The following EYS variants were observed in gnomAD, a reference collection of about 807,000 sequenced individuals.
EYS encodes protein eyes shut homolog.
A neutral mutation model predicts 282.1 loss-of-function variants in EYS; 250 were observed. That is an observed-to-expected ratio of 0.89 (90% confidence interval 0.80 to 0.98). The LOEUF (loss-of-function observed/expected upper bound fraction) is 0.98, where lower values mean the gene tolerates loss of function less well. Among genes scored for constraint, EYS ranks in the 50% least tolerant of loss-of-function variants. The pLI is 0.00. For missense variants in EYS, 4,016 were observed against 3,709.0 expected (o/e 1.08, Z -2.15); for synonymous variants, 1,355 against 1,282.9 (o/e 1.06, Z -1.20).
intron 12 of EYS, among the ~76,000 whole-genome samples, chr6:65,285,159 C>T (rs1401525794): frequency 6.6e-6 from 1 of 151,960 alleles, no homozygotes; most frequent in African/African-American, 2.4e-5. Context: ...TTTAAAACAT[C>T]AAATAAACCC....
At chr6:64,300,798 A>G (rs939229615) in intron 30 of EYS, among the ~76,000 whole-genome samples, 6 of 152,196 alleles carry the variant, frequency 3.9e-5, no homozygotes, top group African/African-American at 1.4e-4. Context: ...ATACCATTCC[A>G]TTAGCAGAAC....
intron 31 of EYS, among the ~76,000 whole-genome samples, chr6:64,177,348 A>T (rs897413156): frequency 1.3e-5 from 2 of 151,250 alleles, no homozygotes; most frequent in African/African-American, 2.4e-5. Flanking sequence ...ATATATATAT[A>T]TTTTATTAGG....
At chr6:65,511,236 C>T (rs1380658876) in intron 2 of EYS, among the ~76,000 whole-genome samples, 1 of 152,092 alleles carries the variant, frequency 6.6e-6, no homozygotes, top group African/African-American at 2.4e-5. Flanking sequence ...ATATGCTTTT[C>T]ATCTACTAGG....
intron 14 of EYS, among the ~76,000 whole-genome samples, chr6:64,954,584 A>G (rs2150101744): frequency 6.6e-6 from 1 of 152,292 alleles, no homozygotes; most frequent in South Asian, 2.1e-4. Context: ...TTTTGGTCTG[A>G]GAGCCAAATG....
At chr6:64,050,585 T>C (rs144605886) in intron 33 of EYS, among the ~76,000 whole-genome samples, 142 of 152,306 alleles carry the variant, frequency 9.3e-4, no homozygotes, top group African/African-American at 3.2e-3. Flanking sequence ...TCTTTCTTTC[T>C]TTCCTAGTAC....
In EYS at chr6:64,747,166, T is replaced by C. The variant is rs978611287; in HGVS notation, c.3443+66212A>G. 2.0e-5 allele frequency among the ~76,000 whole-genome samples: 3 copies of C among 152,186 alleles called. No homozygotes were observed. The East Asian group carries it at 5.8e-4, about 29-fold the overall frequency. On this transcript the variant is annotated intron_variant, in intron 22 of 42. Coordinates refer to ENST00000503581, the MANE Select transcript of EYS (RefSeq NM_001142800.2). ...ATGATGAAAAGCAAGTAAAACTACTTTGTAATTTTTGGTAAGGATCAATGG... is the reference window on the plus strand; with the variant it reads ...ATGATGAAAAGCAAGTAAAACTACTCTGTAATTTTTGGTAAGGATCAATGG...
At chr6:64,145,265 G>A (rs79392851) in intron 31 of EYS, among the ~76,000 whole-genome samples, 3,764 of 152,198 alleles carry the variant, frequency 0.025, 148 homozygotes, top group African/African-American at 0.086. Context: ...TGATGTAACT[G>A]CAAACTGACA....
chr6:65,365,480 A>C (rs1764881334), intron 8 of EYS, among the ~76,000 whole-genome samples: 1 of 151,182 alleles, frequency 6.6e-6, no homozygotes, highest in South Asian at 2.1e-4. Context: ...TAATAGGTGG[A>C]CACTATTTTC....
chr6:65,235,310 C>T (rs1766894145), intron 12 of EYS, among the ~76,000 whole-genome samples: 1 of 152,006 alleles, frequency 6.6e-6, no homozygotes, highest in Non-Finnish European at 1.5e-5. Flanking sequence ...GACTGAGCCA[C>T]ATTTAATCTA....
chr6:65,539,675 T>C (rs1461648696), intron 2 of EYS, among the ~76,000 whole-genome samples: 1 of 152,224 alleles, frequency 6.6e-6, no homozygotes, highest in Non-Finnish European at 1.5e-5. Context: ...TTTGAAAGTA[T>C]ATCACGGTCT....
rs1167326935 is a variant in EYS at position 64,603,695 on chromosome 6, A to G, written c.3685-10386T>C. Among the ~76,000 whole-genome samples the G allele has an allele frequency of 2.6e-5, 4 of 152,044 alleles. No individual in the cohort carries two copies. The East Asian group carries it at 5.8e-4, about 22-fold the overall frequency. On this transcript the variant is annotated intron_variant, in intron 24 of 42. Coordinates refer to ENST00000503581, the MANE Select transcript of EYS (RefSeq NM_001142800.2). ...CACAGAAGTAGATGGTCATCATTCAAACTGGTTCTGTGGAGGTGAGTCAGT... is the reference window on the plus strand; with the variant it reads ...CACAGAAGTAGATGGTCATCATTCAGACTGGTTCTGTGGAGGTGAGTCAGT...
intron 29 of EYS, among the ~76,000 whole-genome samples, chr6:64,315,642 A>G (rs1392555957): frequency 6.9e-6 from 1 of 145,924 alleles, no homozygotes; most frequent in East Asian, 2.0e-4. Flanking sequence ...TAATCCACAA[A>G]GAGGAGCTGG....
chr6:64,552,915 TC>T (rs796376658), intron 26 of EYS, among the ~76,000 whole-genome samples: 8 of 106,010 alleles, frequency 7.5e-5, no homozygotes, highest in African/African-American at 2.1e-4. Context: ...GAGACTCCAT[TC>T]CCCCCCGCCC....
intron 22 of EYS, among the ~76,000 whole-genome samples, chr6:64,741,288 T>C (rs1312874607): frequency 2.0e-5 from 3 of 152,170 alleles, no homozygotes; most frequent in African/African-American, 7.2e-5. Flanking sequence ...TTTTTAATTT[T>C]TTTTCTGCTC....
At chr6:64,267,160 G>T (rs529064909) in intron 30 of EYS, among the ~76,000 whole-genome samples, 2 of 152,148 alleles carry the variant, frequency 1.3e-5, no homozygotes, top group South Asian at 4.1e-4. Context: ...ATGCTTCCAT[G>T]AAATTTATTT....
At chr6:63,885,985 C>T (rs892019101) in intron 35 of EYS, among the ~76,000 whole-genome samples, 2 of 152,176 alleles carry the variant, frequency 1.3e-5, no homozygotes, top group Non-Finnish European at 1.5e-5. Flanking sequence ...ACCATTCAAA[C>T]TCAGCTGTCT....
rs1217073742 is a variant in EYS at position 64,844,909 on chromosome 6, ATAT to A, written c.2993-22090_2993-22088del. On this transcript the variant is annotated intron_variant, in intron 19 of 42. Coordinates refer to ENST00000503581, the MANE Select transcript of EYS (RefSeq NM_001142800.2). ...ACCTCAATTAATTTTTAGATGACTG[ATAT>A]TATAGCCATCTACTCATTAGCTATT... Among the ~76,000 whole-genome samples, 4 of 152,272 alleles carry A rather than the reference ATAT, an allele frequency of 2.6e-5. No homozygotes were observed. The South Asian group carries it at 8.3e-4, about 32-fold the overall frequency.
intron 12 of EYS, among the ~76,000 whole-genome samples, chr6:65,191,598 G>A (rs1053047498): frequency 1.3e-4 from 20 of 151,868 alleles, no homozygotes; most frequent in African/African-American, 4.1e-4. Flanking sequence ...GCAATTTCAC[G>A]GCAATCAGCT....
chr6:65,579,671 CTTTTTA>C (rs1439951718), intron 2 of EYS, among the ~76,000 whole-genome samples: 1 of 152,022 alleles, frequency 6.6e-6, no homozygotes, highest in African/African-American at 2.4e-5. Context: ...CTGTCTCTTT[CTTTTTA>C]TAAGGTCACC....
Sources: allele counts gnomAD v4.1 joint callset (sites outside exome capture counted in the v4.1 genomes callset), GRCh38; gene constraint gnomAD v4.1.1; transcripts MANE v1.5; gene names NCBI Gene and HGNC (gene_info 2026-07-23, HGNC 2026-07-21).